Variants in CLOCK observed in about 807,000 individuals in gnomAD.
CLOCK encodes clock circadian regulator.
In CLOCK, 43 loss-of-function variants were observed where a neutral mutation model predicts 118.4. That is an observed-to-expected ratio of 0.36 (90% CI 0.28 to 0.47). The LOEUF (loss-of-function observed/expected upper bound fraction) is 0.47, where lower values mean the gene tolerates loss of function less well. Ranked by LOEUF, CLOCK falls within the 20% of genes least tolerant of loss-of-function variation. The probability of loss-of-function intolerance (pLI) is 1.00; values close to 1 mark genes in which losing one functional copy is unlikely to be tolerated. For missense variants in CLOCK, 846 were observed against 999.9 expected, an observed-to-expected ratio of 0.85 and a Z score of 2.08; for synonymous variants, 326 against 339.2, an observed-to-expected ratio of 0.96 and a Z score of 0.43.
At chr4:55,526,249 C>T (rs1730177912) in intron 1 of CLOCK, among the ~76,000 whole-genome samples, 1 of 152,222 alleles carries the variant, frequency 6.6e-6, no homozygotes, top group Middle Eastern at 3.4e-3. Context: ...GAAAGCTACT[C>T]CTTTAAAGAA....
At chr4:55,546,239 C>T (rs115902306) in intron 1 of CLOCK, among the ~76,000 whole-genome samples, 4,122 of 152,280 alleles carry the variant, frequency 0.027, 195 homozygotes, top group African/African-American at 0.094. Context: ...GCCGCAGCTC[C>T]GGGCGCCCTC....
chr4:55,521,058 T>C (rs572197055), intron 1 of CLOCK, among the ~76,000 whole-genome samples: 1 of 152,370 alleles, frequency 6.6e-6, no homozygotes, highest in Admixed American at 6.5e-5. Context: ...CTCACGGTTT[T>C]TTCAGTCTAC....
rs561557472 is a variant in CLOCK at position 55,545,348 on chromosome 4, C to T, written c.-290+1434G>A. On this transcript the variant is annotated intron_variant, in intron 1 of 22. Coordinates refer to ENST00000513440, the MANE Select transcript of CLOCK (RefSeq NM_004898.4). The stretch of plus-strand genomic sequence containing the variant: ...AAGCAATTCATTATCTAAATTACAT[C>T]CTTTTAAGAATGTTTATTTTCAAAC... 10 of 152,244 alleles carry T rather than the reference C, an allele frequency of 6.6e-5. No individual in the cohort carries two copies. The South Asian group carries it at 1.9e-3, about 28-fold the overall frequency. The allele number at this position is 152,244 out of a possible 1,614,324, so 9.4% of individuals were successfully genotyped here. A position where few individuals can be genotyped will look rare whatever the true frequency, so the allele number is the denominator to read the frequency against.
intron 8 of CLOCK, among the ~76,000 whole-genome samples, chr4:55,468,643 A>G (rs1371740558): frequency 1.3e-5 from 2 of 152,054 alleles, no homozygotes; most frequent in East Asian, 3.9e-4. Flanking sequence ...AAAAATATTT[A>G]CAAGTTGCCC....
Position 55,438,345 on chromosome 4 carries a change from C to T in CLOCK, c.2298G>A (p.Gln766=). 6.2e-7 allele frequency: 1 copy of T among 1,614,036 alleles called. No homozygotes were observed. The highest frequency in any genetic ancestry group is 1.1e-5 in the South Asian group (1 of 91,080). The change falls in exon 22 of 23, where the codon CAG becomes CAA. Residue 766 remains glutamine, a synonymous_variant. Transcript: ENST00000513440. ...QQQQQSSQEQ[Q]LTSVQQPSQA... is the part of the protein sequence containing the mutation. ...GAGATGGTTGCTGAACTGAAGTGAG[C>T]TGCTGCTCCTGGGAGCTCTGCTGCT...
chr4:55,454,492 G>A (rs923990222), intron 13 of CLOCK, among the ~76,000 whole-genome samples: 1 of 151,426 alleles, frequency 6.6e-6, no homozygotes, highest in Admixed American at 6.6e-5. Context: ...GTACGTGCCT[G>A]TAATCCCAGC....
intron 1 of CLOCK, among the ~76,000 whole-genome samples, chr4:55,531,149 C>T (rs1036302417): frequency 2.0e-4 from 30 of 151,120 alleles, no homozygotes; most frequent in African/African-American, 6.8e-4. Context: ...GGCATGATTT[C>T]GAAAAAATGA....
In CLOCK at chr4:55,475,978, T is replaced by C. The variant is rs1376997495; in HGVS notation, c.333A>G (p.Thr111=). 4 of 1,610,528 alleles carry C rather than the reference T, an allele frequency of 2.5e-6. No individual in the cohort carries two copies. The highest frequency in any genetic ancestry group is 1.7e-4 in the Middle Eastern group (1 of 6,046). ...CTGGACATACCTCTAACATTAATTG[T>C]GTAAACTCTTCATTACTAAGGAATG... ...KPTFLSNEEF[T]QLMLEALDGF... Residue 111 remains threonine (T), a synonymous_variant, in exon 7 of 23, where the codon ACA becomes ACG. Transcript: ENST00000513440.
intron 1 of CLOCK, among the ~76,000 whole-genome samples, chr4:55,528,457 G>T (rs934280680): frequency 1.3e-5 from 2 of 152,110 alleles, no homozygotes; most frequent in Admixed American, 1.3e-4. Flanking sequence ...GGGAGTGAAT[G>T]AGATGATGAT....
rs78851924 is a variant in CLOCK at position 55,448,423 on chromosome 4, G to A, written c.1539+356C>T. Among the ~76,000 whole-genome samples the A allele has an allele frequency of 2.3e-3, 355 of 152,162 alleles. 1 individual carries two copies. Among genetic ancestry groups the A allele is most frequent in the East Asian group, 0.019 (96 of 5,186 alleles). On this transcript the variant is annotated intron_variant, in intron 18 of 22. Transcript: ENST00000513440. The stretch of plus-strand genomic sequence containing the variant: ...ATTAGGCAGGACAATTCTTTGTTGT[G>A]CAAGACTCTTATGCATCCTGAAAGA...
intron 21 of CLOCK, among the ~76,000 whole-genome samples, chr4:55,439,404 C>T (rs554795241): frequency 2.0e-5 from 3 of 152,186 alleles, no homozygotes; most frequent in South Asian, 2.1e-4. Flanking sequence ...AAACCTTGTG[C>T]AGTGCTGGTG....
chr4:55,451,726 C>G (rs1724472424), intron 15 of CLOCK, among the ~76,000 whole-genome samples: 1 of 152,198 alleles, frequency 6.6e-6, no homozygotes, highest in East Asian at 1.9e-4. Flanking sequence ...GTCCCCTAAT[C>G]AAGGAACCCT....
chr4:55,495,914 C>A (rs145057448), intron 2 of CLOCK, among the ~76,000 whole-genome samples: 2 of 152,060 alleles, frequency 1.3e-5, no homozygotes, highest in African/African-American at 4.8e-5. Flanking sequence ...AACTGCTGGG[C>A]GCAGTGGCTC....
intron 1 of CLOCK, chr4:55,545,705 A>G (rs1371044117): frequency 6.6e-6 from 1 of 152,220 alleles, no homozygotes; most frequent in African/African-American, 2.4e-5. Flanking sequence ...CTACAAAGCT[A>G]CAAACACTTT....
intron 1 of CLOCK, among the ~76,000 whole-genome samples, chr4:55,518,518 T>G (rs934459222): frequency 2.6e-5 from 4 of 152,232 alleles, no homozygotes; most frequent in African/African-American, 9.6e-5. Flanking sequence ...TCTAAATGTT[T>G]GTGCCCCTCC....
chr4:55,453,604 G>A (rs1321002008), intron 14 of CLOCK, 73 bp downstream of exon 14: 9 of 1,291,310 alleles, frequency 7.0e-6, no homozygotes, highest in African/African-American at 2.9e-5. Context: ...AACAACTTAC[G>A]CATAAAAGTT....
intron 1 of CLOCK, among the ~76,000 whole-genome samples, chr4:55,521,988 C>T (rs1029831057): frequency 6.6e-6 from 1 of 152,006 alleles, no homozygotes; most frequent in Admixed American, 6.6e-5. Context: ...CAAATAGAGT[C>T]ATATGTATAT....
intron 4 of CLOCK, 111 bp from the exon 5 acceptor site, chr4:55,479,810 A>G (rs1553896765): frequency 1.2e-6 from 1 of 817,014 alleles, no homozygotes; most frequent in Non-Finnish European, 2.1e-6. Flanking sequence ...AAAGTTAATG[A>G]GTTATAACAT....
In CLOCK at chr4:55,431,495, A is replaced by G. The variant is rs1010196920; in HGVS notation, c.*3920T>C. ...CTTTCTCCAAACACTTAAAATGGCA[A>G]GTGCCTTTGTGCTGTTTCTTCTCTA... On this transcript the variant is annotated 3_prime_UTR_variant, in exon 23 of 23. Coordinates refer to ENST00000513440, the MANE Select transcript of CLOCK (RefSeq NM_004898.4). 7 of 152,194 alleles carry G rather than the reference A, an allele frequency of 4.6e-5. No individual in the cohort carries two copies. The highest frequency in any genetic ancestry group is 7.3e-5 in the Non-Finnish European group (5 of 68,036). 9.4% of individuals were successfully genotyped at this position (152,194 alleles called of 1,614,324 possible). A position where few individuals can be genotyped will look rare whatever the true frequency, so the allele number is the denominator to read the frequency against.
Sources: gnomAD v4.1 joint callset for allele counts (sites outside exome capture counted in the v4.1 genomes callset) on GRCh38, gnomAD v4.1.1 for gene constraint, MANE v1.5 for transcripts, NCBI Gene and HGNC (gene_info 2026-07-23, HGNC 2026-07-21) for gene names.